STK24: variants seen among roughly 807,000 people sequenced by gnomAD.
The protein encoded by STK24 is serine/threonine-protein kinase 24.
In STK24, 21 loss-of-function variants were observed where a neutral mutation model predicts 55.6. The ratio of observed to expected loss-of-function variants is 0.38; its 90% CI spans 0.27 to 0.54. STK24 has a LOEUF of 0.54. Ranked by LOEUF, STK24 falls within the 20% of genes least tolerant of loss-of-function variation. STK24 has a pLI of 0.79. For synonymous variants in STK24, 200 were observed against 215.2 expected (o/e 0.93, Z 0.62); for missense variants, 383 against 538.4 (o/e 0.71, Z 2.86).
chr13:98,496,053 TG>T (rs1420837253), intron 2 of STK24, among the ~76,000 whole-genome samples: 2 of 152,154 alleles, frequency 1.3e-5, no homozygotes, highest in Non-Finnish European at 2.9e-5. Flanking sequence ...GACTTCCAAA[TG>T]GCAAAGGAAG....
At chr13:98,555,010 A>T (rs1324980908) in intron 1 of STK24, among the ~76,000 whole-genome samples, 10 of 115,828 alleles carry the variant, frequency 8.6e-5, no homozygotes, top group Non-Finnish European at 1.9e-4. Context: ...GCGAGACTCC[A>T]ACTCAAAAAA....
intron 5 of STK24, 57 bp downstream of exon 5, chr13:98,474,764 A>G: frequency 6.5e-7 from 1 of 1,533,618 alleles, no homozygotes; most frequent in African/African-American, 1.4e-5. Context: ...TAAAGAACAA[A>G]AGGCGGGAGC....
At position 98,447,848 on chromosome 13, in the gene STK24, A is replaced by G. The variant is rs1285834030; in HGVS notation, c.*5325T>C. The stretch of plus-strand genomic sequence containing the variant: ...TGACAGAGCCAGACCCTGTCTCAAA[A>G]AAAAAAGAAAAAGAAAAAAGGAAGG... On this transcript the variant is annotated 3_prime_UTR_variant, in exon 11 of 11. Coordinates refer to ENST00000539966, the MANE Select transcript of STK24 (RefSeq NM_001032296.4). 4.8e-6 allele frequency: 1 copy of G among 206,918 alleles called. No individual in the cohort carries two copies. Among genetic ancestry groups the G allele is most frequent in the Non-Finnish European group, 9.8e-6 (1 of 102,536 alleles). 12.8% of individuals were successfully genotyped at this position (206,918 alleles called of 1,614,324 possible). A position where few individuals can be genotyped will look rare whatever the true frequency, so the allele number is the denominator to read the frequency against.
chr13:98,514,237 C>A (rs1250807516), intron 2 of STK24, among the ~76,000 whole-genome samples: 1 of 152,234 alleles, frequency 6.6e-6, no homozygotes, highest in African/African-American at 2.4e-5. Flanking sequence ...TGGACACTGA[C>A]CTGCACAGCA....
At chr13:98,502,035 T>TA (rs1566371941) in intron 2 of STK24, among the ~76,000 whole-genome samples, 1 of 152,122 alleles carries the variant, frequency 6.6e-6, no homozygotes, top group African/African-American at 2.4e-5. Context: ...CAGAAAACTC[T>TA]AAAAACTAAT....
At chr13:98,575,078 T>A (rs550880810) in intron 1 of STK24, among the ~76,000 whole-genome samples, 252 of 152,286 alleles carry the variant, frequency 1.7e-3, no homozygotes, top group African/African-American at 5.1e-3. Context: ...ACTTTTTTTT[T>A]AAATCATTAC....
chr13:98,464,955 G>C (rs1476745197), intron 6 of STK24, among the ~76,000 whole-genome samples: 1 of 152,120 alleles, frequency 6.6e-6, no homozygotes, highest in African/African-American at 2.4e-5. Context: ...CAACTTTCCC[G>C]GTTTAGAAGG....
chr13:98,485,735 T>C (rs1194404882), intron 2 of STK24, among the ~76,000 whole-genome samples: 1 of 152,206 alleles, frequency 6.6e-6, no homozygotes, highest in Non-Finnish European at 1.5e-5. Flanking sequence ...GTCAGTTAAG[T>C]TCGATCTCTT....
rs1447580967 is a variant in STK24, at chr13:98,462,069, G to A, written c.930-172C>T. 4.0e-5 allele frequency among the ~76,000 whole-genome samples: 6 copies of A among 150,310 alleles called. 1 individual carries two copies. In the South Asian group the frequency reaches 1.0e-3, roughly 26 times the overall value. ...TCTGGGATTTCCCAAAGACCCCCCC[G>A]CCTCCTCCCTCACAGAGAAGAGACC... On this transcript the variant is annotated intron_variant, in intron 7 of 10. Transcript: ENST00000539966.
At chr13:98,545,710 T>C (rs1897013224) in intron 1 of STK24, among the ~76,000 whole-genome samples, 1 of 151,768 alleles carries the variant, frequency 6.6e-6, no homozygotes, top group Non-Finnish European at 1.5e-5. Flanking sequence ...GCTCAGTCAG[T>C]GATTAGACAA....
chr13:98,546,792 C>T (rs1191340895), intron 1 of STK24, among the ~76,000 whole-genome samples: 1 of 152,176 alleles, frequency 6.6e-6, no homozygotes, highest in East Asian at 1.9e-4. Flanking sequence ...TAAAAAAAGG[C>T]CAGAACACAT....
intron 2 of STK24, among the ~76,000 whole-genome samples, chr13:98,482,909 C>G (rs118015967): frequency 0.046 from 6,963 of 152,304 alleles, 221 homozygotes; most frequent in South Asian, 0.11. Context: ...CACAGTCTCC[C>G]CTCAGGGAGC....
At chr13:98,466,770 TG>T (rs2139267900) in intron 5 of STK24, among the ~76,000 whole-genome samples, 1 of 152,352 alleles carries the variant, frequency 6.6e-6, no homozygotes, top group East Asian at 1.9e-4. Flanking sequence ...TGCCTCTACA[TG>T]GAGATGGCTT....
At chr13:98,542,720 A>G (rs567005810) in intron 1 of STK24, 16 of 519,828 alleles carry the variant, frequency 3.1e-5, no homozygotes, top group African/African-American at 6.2e-5. Context: ...TTGTTCCTGG[A>G]GTGAAAGTGA....
At chr13:98,531,655 T>C (rs549166695) in intron 1 of STK24, among the ~76,000 whole-genome samples, 51 of 152,282 alleles carry the variant, frequency 3.3e-4, no homozygotes, top group African/African-American at 1.2e-3. Flanking sequence ...TTCATACCAG[T>C]GCTGACTCAG....
At chr13:98,492,631 G>C (rs111655269) in intron 2 of STK24, among the ~76,000 whole-genome samples, 3 of 152,274 alleles carry the variant, frequency 2.0e-5, no homozygotes, top group African/African-American at 7.2e-5. Flanking sequence ...GTGGCCACAG[G>C]CTTCCTTAGG....
At chr13:98,542,855 T>A (rs1368860576) in intron 1 of STK24, 13 of 979,508 alleles carry the variant, frequency 1.3e-5, no homozygotes, top group Non-Finnish European at 1.3e-5. Flanking sequence ...TGTATGTCCG[T>A]AAGAGGTCAG....
At chr13:98,467,075 G>A (rs1893952189) in intron 5 of STK24, among the ~76,000 whole-genome samples, 1 of 152,226 alleles carries the variant, frequency 6.6e-6, no homozygotes, top group African/African-American at 2.4e-5. Flanking sequence ...TCTGTAGAAT[G>A]GAGGTGGAAG....
At chr13:98,474,798 C>G in intron 5 of STK24, 23 bp downstream of exon 5, 2 of 1,593,586 alleles carry the variant, frequency 1.3e-6, no homozygotes, top group Non-Finnish European at 1.7e-6. Context: ...TGAGGCACGG[C>G]GCCGCCCTCA....
Sources: gnomAD v4.1 joint callset for allele counts (sites outside exome capture counted in the v4.1 genomes callset) on GRCh38, gnomAD v4.1.1 for gene constraint, MANE v1.5 for transcripts, NCBI Gene and HGNC (gene_info 2026-07-23, HGNC 2026-07-21) for gene names.